SORCS1: variants seen among roughly 807,000 people sequenced by gnomAD.
SORCS1 encodes sortilin related VPS10 domain containing receptor 1, also known as VPS10 domain-containing receptor SorCS1.
A neutral mutation model predicts 146.1 loss-of-function variants in SORCS1; 60 were observed. The observed-to-expected ratio is 0.41, with a 90% CI of 0.33 to 0.51. The LOEUF is 0.51. Among genes scored for constraint, SORCS1 ranks in the 20% least tolerant of loss-of-function variants. The pLI, the probability that SORCS1 is intolerant of heterozygous loss-of-function variation, is 0.21. For missense variants in SORCS1, 1,352 were observed against 1,487.6 expected (o/e 0.91, Z 1.50); for synonymous variants, 637 against 584.0 (o/e 1.09, Z -1.31).
intron 1 of SORCS1, among the ~76,000 whole-genome samples, chr10:107,034,651 G>A (rs1041162649): frequency 1.9e-5 from 2 of 105,496 alleles, no homozygotes; most frequent in Non-Finnish European, 3.6e-5. Flanking sequence ...TTGCACTCCA[G>A]CCTGGGAAAC....
chr10:106,730,202 T>A, intron 5 of SORCS1, 88 bp from the exon 6 acceptor site: 1 of 1,233,220 alleles, frequency 8.1e-7, no homozygotes, highest in Non-Finnish European at 1.2e-6. Flanking sequence ...CCCAGACTAT[T>A]AATATCCACA....
chr10:106,640,719 G>C (rs1307595391), intron 18 of SORCS1, among the ~76,000 whole-genome samples: 1 of 152,154 alleles, frequency 6.6e-6, no homozygotes, highest in Non-Finnish European at 1.5e-5. Flanking sequence ...AAAGTCTATA[G>C]GCTCATTAGG....
intron 6 of SORCS1, among the ~76,000 whole-genome samples, chr10:106,723,595 C>G (rs1452219828): frequency 2.0e-5 from 3 of 152,138 alleles, no homozygotes; most frequent in Non-Finnish European, 4.4e-5. Context: ...CCTCCCAAGG[C>G]AGAAAGTAAT....
chr10:106,625,199 T>C lies in SORCS1; in HGVS notation c.2662+4003A>G, dbSNP rs1033057193. On this transcript the variant is annotated intron_variant, in intron 19 of 25. Transcript: ENST00000263054. ...CCCGTGAGGCTGCACATTGTGTGAT[T>C]CTGTGTGTGTGTGTGTGTGTGTGTG... is the stretch of plus-strand genomic sequence containing the variant. Among the ~76,000 whole-genome samples, 6 of 134,786 alleles carry C rather than the reference T, an allele frequency of 4.5e-5. No individual in the cohort carries two copies. The Admixed American group carries it at 4.5e-4, about 10-fold the overall frequency. 88.4% of individuals were successfully genotyped at this position (134,786 alleles called of 152,430 possible).
At position 106,918,318 on chromosome 10, in the gene SORCS1, G is replaced by A. The variant is rs997858938; in HGVS notation, c.626+38195C>T. Among the ~76,000 whole-genome samples, 7 of 152,036 alleles carry A rather than the reference G, an allele frequency of 4.6e-5. No homozygotes were observed. In the South Asian group the frequency reaches 1.0e-3, roughly 23 times the overall value. ...TGGGAATACAGGTGCCTGCCACCAC[G>A]CCTGGCTAATTTTTTTGTATTTTTT... On this transcript the variant is annotated intron_variant, in intron 2 of 25. Transcript: ENST00000263054.
chr10:106,674,577 A>C (rs531659613), intron 14 of SORCS1, among the ~76,000 whole-genome samples: 2 of 152,230 alleles, frequency 1.3e-5, no homozygotes, highest in African/African-American at 2.4e-5. Context: ...AATGATCATC[A>C]CATTCCAGAC....
chr10:106,823,884 C>A (rs1037445804), intron 3 of SORCS1, among the ~76,000 whole-genome samples: 1 of 152,176 alleles, frequency 6.6e-6, no homozygotes, highest in Non-Finnish European at 1.5e-5. Flanking sequence ...GTCTCCATAT[C>A]TGTTAAAGAA....
At chr10:106,894,893 C>T (rs1018117859) in intron 2 of SORCS1, among the ~76,000 whole-genome samples, 5 of 152,246 alleles carry the variant, frequency 3.3e-5, no homozygotes, top group South Asian at 4.1e-4. Context: ...TCTCAACTGA[C>T]GGAATGGGGA....
intron 1 of SORCS1, among the ~76,000 whole-genome samples, chr10:106,961,964 C>A (rs755963817): frequency 1.1e-4 from 16 of 152,150 alleles, no homozygotes; most frequent in Non-Finnish European, 2.4e-4. Flanking sequence ...GAATTCTTTC[C>A]TGAGTGAAGT....
chr10:107,112,391 T>C (rs1233631266), intron 1 of SORCS1, among the ~76,000 whole-genome samples: 1 of 151,714 alleles, frequency 6.6e-6, no homozygotes, highest in Non-Finnish European at 1.5e-5. Flanking sequence ...CTCTAGTAGA[T>C]ACACAAACCA....
chr10:107,004,556 G>C (rs1957362071), intron 1 of SORCS1, among the ~76,000 whole-genome samples: 1 of 152,124 alleles, frequency 6.6e-6, no homozygotes, highest in South Asian at 2.1e-4. Flanking sequence ...CAGTATGGAG[G>C]AAATGACCCC....
intron 6 of SORCS1, among the ~76,000 whole-genome samples, chr10:106,713,999 GCACGTGCCTGTAATC>G: frequency 6.6e-6 from 1 of 151,994 alleles, no homozygotes; most frequent in South Asian, 2.1e-4. Context: ...AGGCATGGTG[GCACGTGCCTGTAATC>G]CCAGCTACTT....
Position 106,618,192 on chromosome 10 carries a change from A to C in SORCS1, c.2877T>G (p.Ala959=). 1 of 1,614,138 alleles carries C rather than the reference A, an allele frequency of 6.2e-7. No individual in the cohort carries two copies. The highest frequency in any genetic ancestry group is 8.5e-7 in the Non-Finnish European group (1 of 1,179,996). The part of the protein sequence containing the change: ...GMNTITVQVS[A]GNAILQDTKT... ...TTGTGTCTTGTAGGATGGCATTCCC[A>C]GCTGAGACCTGCACTGTGATGGTAT... The change falls in exon 21 of 26, where the codon GCT becomes GCG. Residue 959 remains alanine (A), a synonymous_variant. Transcript: ENST00000263054.
intron 24 of SORCS1, among the ~76,000 whole-genome samples, chr10:106,581,318 T>TACAC (rs201071933): frequency 7.2e-4 from 90 of 125,756 alleles, no homozygotes; most frequent in South Asian, 1.1e-3. Flanking sequence ...TGAATCGTCA[T>TACAC]ACATACACAC....
chr10:106,748,444 T>G (rs1246299545), intron 5 of SORCS1, among the ~76,000 whole-genome samples: 1 of 152,140 alleles, frequency 6.6e-6, no homozygotes, highest in Non-Finnish European at 1.5e-5. Context: ...CTTAATGGCA[T>G]GTGTGTTCTG....
intron 1 of SORCS1, among the ~76,000 whole-genome samples, chr10:107,053,211 G>T (rs1590028131): frequency 1.3e-5 from 2 of 152,250 alleles, no homozygotes; most frequent in South Asian, 4.1e-4. Flanking sequence ...ATTTCCGCTA[G>T]CAGAGTACTG....
chr10:106,943,073 GGACA>G (rs1318910278), intron 2 of SORCS1, among the ~76,000 whole-genome samples: 1 of 152,138 alleles, frequency 6.6e-6, no homozygotes, highest in Admixed American at 6.5e-5. Flanking sequence ...GGCATCACTA[GGACA>G]GACAGATGTA....
chr10:106,622,289 G>GAAAAAAAAAAAAAAAAAAAAAA (rs554464573), intron 19 of SORCS1, among the ~76,000 whole-genome samples: 1 of 39,040 alleles, frequency 2.6e-5, no homozygotes, highest in African/African-American at 8.4e-5. Flanking sequence ...ATTCCATCTC[G>GAAAAAAAAAAAAAAAAAAAAAA]AAAAAAAAAA....
chr10:107,072,261 A>T (rs1962492974), intron 1 of SORCS1, among the ~76,000 whole-genome samples: 1 of 152,204 alleles, frequency 6.6e-6, no homozygotes, highest in Non-Finnish European at 1.5e-5. Flanking sequence ...GGAAGGCTGC[A>T]GAGGCCTCTC....
Sources: gnomAD v4.1 joint callset for allele counts (sites outside exome capture counted in the v4.1 genomes callset) on GRCh38, gnomAD v4.1.1 for gene constraint, MANE v1.5 for transcripts, NCBI Gene and HGNC (gene_info 2026-07-23, HGNC 2026-07-21) for gene names.